The following TAOK1 variants were observed in gnomAD, a reference collection of about 807,000 sequenced individuals.
TAOK1 encodes TAO kinase 1.
Under a neutral mutation model 138.3 loss-of-function variants are expected in TAOK1, and 21 were observed. That is an observed-to-expected ratio of 0.15 (90% CI 0.11 to 0.22). The LOEUF is 0.22. Ranked by LOEUF, TAOK1 falls within the 10% of genes least tolerant of loss-of-function variation. The pLI, the probability that TAOK1 is intolerant of heterozygous loss-of-function variation, is 1.00. For missense variants in TAOK1, 651 were observed against 1,227.7 expected (o/e 0.53, Z 7.02); for synonymous variants, 361 against 398.4 (o/e 0.91, Z 1.12).
intron 1 of TAOK1, among the ~76,000 whole-genome samples, chr17:29,448,322 A>G (rs1040053384): frequency 1.3e-5 from 2 of 151,996 alleles, no homozygotes; most frequent in Admixed American, 1.3e-4. Flanking sequence ...TCTTTTTCCC[A>G]TTGATTTGAG....
chr17:29,519,476 G>A (rs555148497), intron 16 of TAOK1, among the ~76,000 whole-genome samples: 3 of 151,496 alleles, frequency 2.0e-5, no homozygotes, highest in South Asian at 2.1e-4. Flanking sequence ...CTGAGATCGC[G>A]CTGCTGCACT....
chr17:29,527,221 G>T (rs1324957232), intron 17 of TAOK1, among the ~76,000 whole-genome samples: 1 of 151,912 alleles, frequency 6.6e-6, no homozygotes, highest in East Asian at 1.9e-4. Context: ...ACCCCAGGAG[G>T]TTGAGGCTGT....
At chr17:29,438,761 ACTGT>A (rs1906116805) in intron 1 of TAOK1, among the ~76,000 whole-genome samples, 1 of 152,234 alleles carries the variant, frequency 6.6e-6, no homozygotes, top group South Asian at 2.1e-4. Context: ...CTTTCTAATT[ACTGT>A]CTAACAAGAG....
intron 2 of TAOK1, among the ~76,000 whole-genome samples, chr17:29,465,756 C>T (rs1277424811): frequency 7.5e-6 from 1 of 133,926 alleles, no homozygotes; most frequent in Admixed American, 7.9e-5. Flanking sequence ...TTGCCTTGTA[C>T]TTTCTTAATA....
intron 4 of TAOK1, among the ~76,000 whole-genome samples, chr17:29,476,889 A>C (rs1275986677): frequency 2.0e-5 from 3 of 152,062 alleles, no homozygotes; most frequent in Admixed American, 2.0e-4. Context: ...TCTGTCGCCC[A>C]GGCTGGAGTT....
At chr17:29,397,763 A>G (rs114996311) in intron 1 of TAOK1, among the ~76,000 whole-genome samples, 2,061 of 139,286 alleles carry the variant, frequency 0.015, 49 homozygotes, top group African/African-American at 0.053. Context: ...GTATGTATAT[A>G]TGTATACATG....
chr17:29,440,264 A>G (rs531419086), intron 1 of TAOK1, among the ~76,000 whole-genome samples: 6 of 152,206 alleles, frequency 3.9e-5, no homozygotes, highest in Non-Finnish European at 8.8e-5. Flanking sequence ...TAAGTCTTAT[A>G]TAAGTCCTAG....
At chr17:29,502,521 T>C in intron 12 of TAOK1, 68 bp from the exon 13 acceptor site, 1 of 1,510,522 alleles carries the variant, frequency 6.6e-7, no homozygotes, top group Non-Finnish European at 8.9e-7. Context: ...TCTTTAAACT[T>C]TAATTTCCAT....
chr17:29,475,638 T>C, intron 3 of TAOK1, 32 bp from the exon 4 acceptor site: 2 of 1,423,124 alleles, frequency 1.4e-6, no homozygotes, highest in Non-Finnish European at 2.0e-6. Context: ...AAAAGTCCTG[T>C]TCATAATTCT....
chr17:29,526,104 C>T (rs1311674965), intron 17 of TAOK1, among the ~76,000 whole-genome samples: 1 of 151,526 alleles, frequency 6.6e-6, no homozygotes, highest in Non-Finnish European at 1.5e-5. Context: ...GGAAAAACCC[C>T]ATCTCTACTA....
chr17:29,495,992 G>A (rs2153028012), intron 11 of TAOK1, among the ~76,000 whole-genome samples: 1 of 152,180 alleles, frequency 6.6e-6, no homozygotes, highest in Admixed American at 6.5e-5. Context: ...GGTACACAAT[G>A]TCATAATGAA....
chr17:29,500,754 A>C (rs1038465805), intron 12 of TAOK1, among the ~76,000 whole-genome samples: 1 of 151,846 alleles, frequency 6.6e-6, no homozygotes, highest in Non-Finnish European at 1.5e-5. Context: ...AAAAAAAAAA[A>C]CTGTGGTTTT....
At chr17:29,444,988 TTTTC>T (rs2153023706) in intron 1 of TAOK1, among the ~76,000 whole-genome samples, 1 of 152,332 alleles carries the variant, frequency 6.6e-6, no homozygotes, top group South Asian at 2.1e-4. Flanking sequence ...GTAGAGACAG[TTTTC>T]TTTCTTTCTG....
Position 29,495,741 on chromosome 17 carries a change from A to G in TAOK1, c.999+14A>G. ...GAAGAAGAAGAGGTAAGAGATAAAA[A>G]AATGACTCCAATATTGAATTTTCAC... On this transcript the variant is annotated intron_variant, in intron 11 of 19. Coordinates refer to ENST00000261716, the MANE Select transcript of TAOK1 (RefSeq NM_020791.4). 1 of 1,572,786 alleles carries G rather than the reference A, an allele frequency of 6.4e-7. No homozygotes were observed. The highest frequency in any genetic ancestry group is 8.6e-7 in the Non-Finnish European group (1 of 1,158,858).
chr17:29,452,146 G>A (rs1443770430), intron 2 of TAOK1, among the ~76,000 whole-genome samples: 2 of 152,052 alleles, frequency 1.3e-5, no homozygotes, highest in Non-Finnish European at 2.9e-5. Flanking sequence ...AGCCCAAGAG[G>A]CAGAGGTTGC....
At chr17:29,489,885 T>C in intron 9 of TAOK1, 128 bp downstream of exon 9, 1 of 507,554 alleles carries the variant, frequency 2.0e-6, no homozygotes. Context: ...AAAATAGATG[T>C]ATTTTACCCT....
At chr17:29,532,355 G>GT (rs11431904) in intron 18 of TAOK1, among the ~76,000 whole-genome samples, 60 of 147,698 alleles carry the variant, frequency 4.1e-4, no homozygotes, top group East Asian at 1.8e-3. Flanking sequence ...TTTGTTTGTG[G>GT]TTTTTTTTTT....
At chr17:29,489,518 G>A in intron 8 of TAOK1, 146 bp from the exon 9 acceptor site, 1 of 549,826 alleles carries the variant, frequency 1.8e-6, no homozygotes, top group Admixed American at 3.7e-5. Context: ...TAAAAAAAAA[G>A]CTCTTTGAAC....
chr17:29,435,851 C>T (rs529118160), intron 1 of TAOK1, among the ~76,000 whole-genome samples: 21 of 152,328 alleles, frequency 1.4e-4, no homozygotes, highest in African/African-American at 4.1e-4. Context: ...CACAGATAGG[C>T]GGGGTGCGGT....
Sources: allele counts gnomAD v4.1 joint callset (sites outside exome capture counted in the v4.1 genomes callset), GRCh38; gene constraint gnomAD v4.1.1; transcripts MANE v1.5; gene names NCBI Gene and HGNC (gene_info 2026-07-23, HGNC 2026-07-21).